Variants in CYTH1 observed in about 807,000 individuals in gnomAD.
CYTH1 encodes cytohesin 1, also known as cytohesin-1.
CYTH1 carries 18 observed loss-of-function variants against 61.8 expected under a neutral mutation model. The observed-to-expected ratio is 0.29, with a 90% CI of 0.20 to 0.43. CYTH1 has a LOEUF of 0.43. CYTH1 is among the 20% of genes least tolerant of loss of function. The probability of loss-of-function intolerance (pLI) is 1.00; values close to 1 mark genes in which losing one functional copy is unlikely to be tolerated. For missense variants in CYTH1, 336 were observed against 510.5 expected (o/e 0.66, Z 3.29); for synonymous variants, 174 against 184.3 (o/e 0.94, Z 0.45).
At chr17:78,755,491 T>TAAAAAAAAAAA (rs3073742) in intron 1 of CYTH1, among the ~76,000 whole-genome samples, 2 of 129,844 alleles carry the variant, frequency 1.5e-5, no homozygotes, top group African/African-American at 3.0e-5. Context: ...TGGGTTTATT[T>TAAAAAAAAAAA]AAAAAAAAAA....
At chr17:78,781,666 C>A (rs1427351404) in intron 1 of CYTH1, among the ~76,000 whole-genome samples, 1 of 152,116 alleles carries the variant, frequency 6.6e-6, no homozygotes, top group Non-Finnish European at 1.5e-5. Context: ...GTGGACCGGG[C>A]ACAACTCGCT....
At chr17:78,779,117 C>T (rs1320483377) in intron 1 of CYTH1, among the ~76,000 whole-genome samples, 1 of 152,020 alleles carries the variant, frequency 6.6e-6, no homozygotes, top group African/African-American at 2.4e-5. Flanking sequence ...GAAAGGGGAA[C>T]AGGCCAGGCG....
chr17:78,680,180 A>C lies in CYTH1; in HGVS notation c.1118+10T>G. The stretch of plus-strand genomic sequence containing the variant: ...CAGGCGCGCACTGCCCTTTCTCAGC[A>C]GTCACTTACTTAATGCACTTAATCC... On this transcript the variant is annotated intron_variant, in intron 13 of 13. Coordinates refer to ENST00000446868, the MANE Select transcript of CYTH1 (RefSeq NM_004762.6). The C allele has an allele frequency of 6.2e-7, 1 of 1,614,012 alleles. No homozygotes were observed. Among genetic ancestry groups the C allele is most frequent in the Non-Finnish European group, 8.5e-7 (1 of 1,179,912 alleles).
intron 5 of CYTH1, 83 bp from the exon 6 acceptor site, chr17:78,701,834 A>G (rs1012115382): frequency 7.3e-7 from 1 of 1,376,986 alleles, no homozygotes. Flanking sequence ...CATGTCTCCT[A>G]CACTGCGTCC....
chr17:78,714,484 C>T (rs1482621518), intron 1 of CYTH1, among the ~76,000 whole-genome samples: 2 of 152,296 alleles, frequency 1.3e-5, no homozygotes, highest in South Asian at 2.1e-4. Flanking sequence ...CACCGTATGC[C>T]TTGTACACTG....
At chr17:78,744,297 T>C (rs2144649070) in intron 1 of CYTH1, among the ~76,000 whole-genome samples, 1 of 152,228 alleles carries the variant, frequency 6.6e-6, no homozygotes, top group Middle Eastern at 3.4e-3. Flanking sequence ...TTTCCTTATC[T>C]CCATTCTCAG....
intron 1 of CYTH1, 31 bp downstream of exon 1, chr17:78,782,171 G>C (rs747526644): frequency 9.6e-6 from 13 of 1,358,338 alleles, no homozygotes; most frequent in Non-Finnish European, 1.2e-5. Flanking sequence ...GGACAGCGAG[G>C]GGGAAGCGTC....
At chr17:78,678,186 G>A (rs1484781142) in intron 13 of CYTH1, 1 of 152,206 alleles carries the variant, frequency 6.6e-6, no homozygotes, top group Non-Finnish European at 1.5e-5. Context: ...GATTCTAAAT[G>A]TGACTTTGAA....
At chr17:78,761,301 T>C (rs968947975) in intron 1 of CYTH1, among the ~76,000 whole-genome samples, 67 of 152,336 alleles carry the variant, frequency 4.4e-4, no homozygotes, top group Admixed American at 4.1e-3. Flanking sequence ...TCACAGGAAC[T>C]GCTTTTTCTA....
At chr17:78,758,284 TGA>T (rs1287488783) in intron 1 of CYTH1, among the ~76,000 whole-genome samples, 2 of 152,236 alleles carry the variant, frequency 1.3e-5, no homozygotes, top group Non-Finnish European at 2.9e-5. Flanking sequence ...ATGTCCTTGC[TGA>T]GAGTGCCAAA....
intron 1 of CYTH1, among the ~76,000 whole-genome samples, chr17:78,730,210 C>T (rs1211317908): frequency 6.6e-6 from 1 of 151,902 alleles, no homozygotes; most frequent in Non-Finnish European, 1.5e-5. Context: ...AGACTTTAGA[C>T]ACCAGAAGGA....
chr17:78,766,299 T>C (rs74001234), intron 1 of CYTH1, among the ~76,000 whole-genome samples: 3 of 152,136 alleles, frequency 2.0e-5, no homozygotes, highest in Non-Finnish European at 4.4e-5. Flanking sequence ...AGAGAAGCCA[T>C]GAAAAGACCC....
At chr17:78,698,755 A>G in intron 8 of CYTH1, 65 bp downstream of exon 8, 3 of 1,490,320 alleles carry the variant, frequency 2.0e-6, no homozygotes, top group South Asian at 1.4e-5. Context: ...CCTTCCTACA[A>G]AAGACGATCC....
At chr17:78,682,547 C>T (rs537773144) in intron 11 of CYTH1, among the ~76,000 whole-genome samples, 1 of 152,240 alleles carries the variant, frequency 6.6e-6, no homozygotes, top group East Asian at 1.9e-4. Flanking sequence ...CAGCCAAGGC[C>T]TTTGTCCTCC....
intron 3 of CYTH1, among the ~76,000 whole-genome samples, chr17:78,706,616 C>T (rs1362157584): frequency 1.3e-5 from 2 of 152,170 alleles, no homozygotes; most frequent in Non-Finnish European, 2.9e-5. Context: ...TTTGTATGGA[C>T]ATGTTTTCAT....
intron 11 of CYTH1, among the ~76,000 whole-genome samples, chr17:78,686,434 C>G (rs1381816881): frequency 6.6e-6 from 1 of 152,098 alleles, no homozygotes; most frequent in African/African-American, 2.4e-5. Context: ...TGAGTGACCC[C>G]TGGTTCTCCT....
chr17:78,764,015 G>A (rs991299638), intron 1 of CYTH1, among the ~76,000 whole-genome samples: 2 of 152,006 alleles, frequency 1.3e-5, no homozygotes, highest in African/African-American at 4.8e-5. Context: ...GGAGGCTCAG[G>A]CAGGAGAATC....
chr17:78,701,815 C>T (rs1334994469), intron 5 of CYTH1, 64 bp from the exon 6 acceptor site: 2 of 1,533,098 alleles, frequency 1.3e-6, no homozygotes, highest in East Asian at 2.2e-5. Flanking sequence ...TGAGAATCTC[C>T]AGCCAGGCCA....
intron 1 of CYTH1, chr17:78,736,728 CT>C: frequency 2.4e-6 from 1 of 421,068 alleles, no homozygotes; most frequent in South Asian, 1.7e-5. Flanking sequence ...ATCTTGTTTC[CT>C]TACAGCGGGA....
Sources: gnomAD v4.1 joint callset for allele counts (sites outside exome capture counted in the v4.1 genomes callset) on GRCh38, gnomAD v4.1.1 for gene constraint, MANE v1.5 for transcripts, NCBI Gene and HGNC (gene_info 2026-07-23, HGNC 2026-07-21) for gene names.